The following KLHL14 variants were observed in gnomAD, a reference collection of about 807,000 sequenced individuals.
The protein encoded by KLHL14 is kelch-like protein 14.
Under a neutral mutation model 64.3 loss-of-function variants are expected in KLHL14, and 22 were observed. The observed-to-expected ratio is 0.34, with a 90% CI of 0.24 to 0.49. The LOEUF is 0.49. KLHL14 is among the 20% of genes least tolerant of loss of function. The probability of loss-of-function intolerance (pLI) is 0.99; values close to 1 mark genes in which losing one functional copy is unlikely to be tolerated. For missense variants in KLHL14, 661 were observed against 789.0 expected (o/e 0.84, Z 1.94); for synonymous variants, 322 against 333.4 (o/e 0.97, Z 0.37).
chr18:32,713,114 T>G (rs930625825), intron 3 of KLHL14, among the ~76,000 whole-genome samples: 6 of 152,338 alleles, frequency 3.9e-5, no homozygotes, highest in African/African-American at 7.2e-5. Flanking sequence ...TTTATGCTGC[T>G]TTTGTGCCAC....
At chr18:32,762,353 A>G (rs1475621864) in intron 2 of KLHL14, among the ~76,000 whole-genome samples, 3 of 151,996 alleles carry the variant, frequency 2.0e-5, no homozygotes, top group Non-Finnish European at 4.4e-5. Context: ...TGAACACCTA[A>G]TTTCCAGTCT....
At chr18:32,719,105 C>T (rs1040030681) in intron 3 of KLHL14, among the ~76,000 whole-genome samples, 3 of 152,194 alleles carry the variant, frequency 2.0e-5, no homozygotes, top group Non-Finnish European at 2.9e-5. Flanking sequence ...TGTGCCACCA[C>T]ACCTGGGTAA....
At chr18:32,751,076 A>T (rs1324249492) in intron 2 of KLHL14, among the ~76,000 whole-genome samples, 1 of 152,188 alleles carries the variant, frequency 6.6e-6, no homozygotes, top group Non-Finnish European at 1.5e-5. Flanking sequence ...GGAATTTCAT[A>T]TGGAAGCTGC....
intron 2 of KLHL14, chr18:32,744,193 G>A (rs2050213007): frequency 6.6e-6 from 1 of 152,142 alleles, no homozygotes; most frequent in African/African-American, 2.4e-5. Flanking sequence ...TATTTAATGG[G>A]GCCCGGCGTG....
Position 32,770,470 on chromosome 18 carries a change from C to T in KLHL14, c.122G>A (p.Gly41Asp). The T allele has an allele frequency of 1.2e-6, 2 of 1,612,540 alleles. No homozygotes were observed. Among genetic ancestry groups the T allele is most frequent in the Non-Finnish European group, 1.7e-6 (2 of 1,179,888 alleles). The change falls in exon 2 of 9, where the codon GGC becomes GAC. Residue 41 changes from glycine to aspartate, a missense_variant. This residue lies in a region of KLHL14 where 331 missense variants were observed against 339.0 expected (regional missense o/e 0.98). Coordinates refer to ENST00000359358, the MANE Select transcript of KLHL14 (RefSeq NM_020805.3). The surrounding 1 kb of genome is among the most constrained non-coding windows in gnomAD (Gnocchi z 6.7). ...GGCCTTGTGGCAATGGAACTGCTGGCCCTGGGCCGTCAGGGTCACGTCGCA... is the reference window on the plus strand; with the variant it reads ...GGCCTTGTGGCAATGGAACTGCTGGTCCTGGGCCGTCAGGGTCACGTCGCA... The part of the protein sequence containing the change: ...LFCDVTLTAQ[G>D]QQFHCHKAVL...
At chr18:32,737,740 C>T (rs1170733465) in intron 3 of KLHL14, 1 of 152,124 alleles carries the variant, frequency 6.6e-6, no homozygotes, top group Admixed American at 6.6e-5. Flanking sequence ...GAAACCACCA[C>T]CCAACAGTTT....
At chr18:32,730,490 T>G (rs1205197111) in intron 3 of KLHL14, among the ~76,000 whole-genome samples, 1 of 152,242 alleles carries the variant, frequency 6.6e-6, no homozygotes, top group African/African-American at 2.4e-5. Context: ...ATCTAAGATA[T>G]TTTTAATGCT....
At chr18:32,731,908 T>G (rs1282567684) in intron 3 of KLHL14, among the ~76,000 whole-genome samples, 1 of 152,188 alleles carries the variant, frequency 6.6e-6, no homozygotes. Context: ...TAGAGTGTTT[T>G]TCTAAACCTC....
chr18:32,701,544 A>T (rs1457009225), intron 3 of KLHL14, among the ~76,000 whole-genome samples: 3 of 152,214 alleles, frequency 2.0e-5, no homozygotes, highest in African/African-American at 4.8e-5. Flanking sequence ...GCTGAAATGC[A>T]GGTCTTCATG....
chr18:32,680,302 G>T lies in KLHL14; in HGVS notation c.1455C>A (p.Val485=), dbSNP rs776372745. ...CTGGGTCATAGCAATATAGCCATGG[G>T]ACATATTCTCCATTGTGTACACCCC... ...ISGGVHNGEY[V]PWLYCYDPVM... The change falls in exon 7 of 9, where the codon GTC becomes GTA. Residue 485 remains valine, a synonymous_variant. Coordinates refer to ENST00000359358, the MANE Select transcript of KLHL14 (RefSeq NM_020805.3). This position sits in a 1 kb window ranked among gnomAD's most constrained non-coding sequence, Gnocchi z 4.8. 2 of 1,613,764 alleles carry T rather than the reference G, an allele frequency of 1.2e-6. No individual in the cohort carries two copies. Among genetic ancestry groups the T allele is most frequent in the African/African-American group, 2.7e-5 (2 of 74,886 alleles).
At chr18:32,677,840 G>C (rs1415384554) in intron 7 of KLHL14, among the ~76,000 whole-genome samples, 1 of 152,126 alleles carries the variant, frequency 6.6e-6, no homozygotes, top group Non-Finnish European at 1.5e-5. Flanking sequence ...AAGTAGATAG[G>C]TTGAGATTTG....
intron 3 of KLHL14, among the ~76,000 whole-genome samples, chr18:32,731,360 C>T (rs578103523): frequency 3.9e-5 from 6 of 152,294 alleles, no homozygotes; most frequent in African/African-American, 1.4e-4. Flanking sequence ...TTTAGGGCTA[C>T]TGTCCTTAGC....
intron 7 of KLHL14, among the ~76,000 whole-genome samples, chr18:32,679,484 G>A (rs931998524): frequency 6.6e-6 from 1 of 151,926 alleles, no homozygotes; most frequent in African/African-American, 2.4e-5. Context: ...TAATGTTCTC[G>A]ATATCATAGG....
chr18:32,746,352 C>T (rs1332224999), intron 2 of KLHL14, among the ~76,000 whole-genome samples: 1 of 152,214 alleles, frequency 6.6e-6, no homozygotes, highest in Non-Finnish European at 1.5e-5. Context: ...AACTGCCCAA[C>T]ATTTACCATG....
chr18:32,757,321 G>C (rs370441226), intron 2 of KLHL14, among the ~76,000 whole-genome samples: 5 of 152,192 alleles, frequency 3.3e-5, no homozygotes, highest in African/African-American at 1.2e-4. Flanking sequence ...GGAGACTGTA[G>C]CAAAGGAAAG....
chr18:32,767,094 G>T (rs887798897), intron 2 of KLHL14, among the ~76,000 whole-genome samples: 5 of 152,060 alleles, frequency 3.3e-5, no homozygotes, highest in African/African-American at 1.2e-4. Flanking sequence ...ATAAATACAA[G>T]GTCCTTCTAT....
chr18:32,739,969 GT>G (rs1379380407), intron 3 of KLHL14, among the ~76,000 whole-genome samples: 1 of 152,124 alleles, frequency 6.6e-6, no homozygotes, highest in African/African-American at 2.4e-5. Flanking sequence ...TGCATTCTAT[GT>G]GCTAGATGAT....
intron 3 of KLHL14, chr18:32,738,038 T>G (rs1012469632): frequency 1.3e-5 from 2 of 152,100 alleles, no homozygotes; most frequent in Non-Finnish European, 2.9e-5. Context: ...AAGAAGCATC[T>G]AATAAATAGA....
rs1219385134 is a variant in KLHL14, at chr18:32,680,747, C to T, written c.1239-148G>A. 1.5e-6 allele frequency: 1 copy of T among 686,426 alleles called. No homozygotes were observed. The highest frequency in any genetic ancestry group is 2.4e-6 in the Non-Finnish European group (1 of 414,468). The allele number at this position is 686,426 out of a possible 1,614,324, so 42.5% of individuals were successfully genotyped here. A position where few individuals can be genotyped will look rare whatever the true frequency, so the allele number is the denominator to read the frequency against. The stretch of plus-strand genomic sequence containing the variant: ...AAATCTTTAAAAATTACACGTATAC[C>T]TTATAATTCTGAGACCTTCTACAGT... On this transcript the variant is annotated intron_variant, in intron 5 of 8. Coordinates refer to ENST00000359358, the MANE Select transcript of KLHL14 (RefSeq NM_020805.3). The surrounding 1 kb of genome is among the most constrained non-coding windows in gnomAD (Gnocchi z 4.8).
Sources: gnomAD v4.1 joint callset for allele counts (sites outside exome capture counted in the v4.1 genomes callset) on GRCh38, gnomAD v4.1.1 for gene constraint, gnomAD v4.1.1 regional missense constraint, Gnocchi (gnomAD v3.1) non-coding constraint, MANE v1.5 for transcripts, NCBI Gene and HGNC (gene_info 2026-07-23, HGNC 2026-07-21) for gene names.